Variants in KLHL29 observed in about 807,000 individuals in gnomAD.
The protein encoded by KLHL29 is kelch like family member 29, also known as kelch-like protein 29.
Under a neutral mutation model 80.4 loss-of-function variants are expected in KLHL29, and 21 were observed. The ratio of observed to expected loss-of-function variants is 0.26; its 90% confidence interval spans 0.19 to 0.38. The LOEUF is 0.38. Among genes scored for constraint, KLHL29 ranks in the 10% least tolerant of loss-of-function variants. The probability of loss-of-function intolerance (pLI) is 1.00; values close to 1 mark genes in which losing one functional copy is unlikely to be tolerated. For missense variants in KLHL29, 867 were observed against 1,223.9 expected, an observed-to-expected ratio of 0.71 and a Z score of 4.35; for synonymous variants, 511 against 526.8, an observed-to-expected ratio of 0.97 and a Z score of 0.41.
chr2:23,401,062 C>T (rs533094326), intron 1 of KLHL29, among the ~76,000 whole-genome samples: 10 of 152,338 alleles, frequency 6.6e-5, no homozygotes, highest in Non-Finnish European at 1.0e-4. Flanking sequence ...CAAATTTATC[C>T]GTGTGAAAGC....
intron 2 of KLHL29, among the ~76,000 whole-genome samples, chr2:23,507,648 A>G (rs1665643016): frequency 6.6e-6 from 1 of 152,204 alleles, no homozygotes. Flanking sequence ...AAGCCTAGAT[A>G]GGGACCCAGG....
intron 1 of KLHL29, among the ~76,000 whole-genome samples, chr2:23,432,374 C>G (rs1278058543): frequency 6.6e-6 from 1 of 152,170 alleles, no homozygotes; most frequent in African/African-American, 2.4e-5. Context: ...TAGCTGGTTA[C>G]AGTTATTTCC....
At chr2:23,423,684 C>A (rs1662916522) in intron 1 of KLHL29, among the ~76,000 whole-genome samples, 1 of 152,026 alleles carries the variant, frequency 6.6e-6, no homozygotes, top group South Asian at 2.1e-4. Context: ...CCATTCCATT[C>A]TCCATGGGCT....
At chr2:23,671,240 G>A (rs548746131) in intron 5 of KLHL29, among the ~76,000 whole-genome samples, 92 of 151,984 alleles carry the variant, frequency 6.1e-4, no homozygotes, top group Non-Finnish European at 1.1e-3. Context: ...CAGAATTCTT[G>A]GGAAGTAATG....
At chr2:23,469,706 G>C (rs1664443949) in intron 1 of KLHL29, among the ~76,000 whole-genome samples, 1 of 152,116 alleles carries the variant, frequency 6.6e-6, no homozygotes, top group African/African-American at 2.4e-5. Context: ...AACCGTGGAG[G>C]CAATTTCCTT....
chr2:23,476,081 G>T (rs984004860), intron 2 of KLHL29, among the ~76,000 whole-genome samples: 2 of 152,006 alleles, frequency 1.3e-5, no homozygotes, highest in African/African-American at 4.8e-5. Flanking sequence ...CACCATGTTG[G>T]CCAGGCTGGT....
chr2:23,632,646 C>T (rs1669499676), intron 3 of KLHL29, among the ~76,000 whole-genome samples: 1 of 152,248 alleles, frequency 6.6e-6, no homozygotes. Flanking sequence ...TGCACTTCTG[C>T]TAGGAGCACT....
intron 2 of KLHL29, among the ~76,000 whole-genome samples, chr2:23,516,150 C>T (rs140009879): frequency 6.6e-6 from 1 of 152,094 alleles, no homozygotes; most frequent in Non-Finnish European, 1.5e-5. Context: ...TCCCTTCTGC[C>T]CTGCCCAGCC....
Position 23,562,453 on chromosome 2 carries a change from C to A in KLHL29, c.257C>A (p.Ala86Asp). 6.5e-7 allele frequency: 1 copy of A among 1,536,522 alleles called. No homozygotes were observed. The highest frequency in any genetic ancestry group is 2.4e-5 in the East Asian group (1 of 40,886). The change falls in exon 3 of 14, where the codon GCC (alanine) becomes GAC (aspartate). Residue 86 changes from alanine (A) to aspartate (D), a missense_variant. Transcript: ENST00000486442. The surrounding 1 kb of genome is among the most constrained non-coding windows in gnomAD (Gnocchi z 4.5). The stretch of plus-strand genomic sequence containing the variant: ...AGCGAGGCCATCACCAGCCTCGTGG[C>A]CAGCTCTGCGTCTGCGGTCACCACC... Reference protein sequence around the residue: ...GSSEAITSLVASSASAVTTKA... With the variant: ...GSSEAITSLVDSSASAVTTKA...
At position 23,669,944 on chromosome 2, in the gene KLHL29, C is replaced by T. The variant is rs1378669957; in HGVS notation, c.941-14455C>T. Among the ~76,000 whole-genome samples the T allele has an allele frequency of 6.6e-6, 1 of 152,064 alleles. No homozygotes were observed. Among genetic ancestry groups the T allele is most frequent in the Non-Finnish European group, 1.5e-5 (1 of 68,018 alleles). ...AAATACATGTGGGTAGGGACCCAAG[C>T]AGAGAGGGGTGTCAGTAAAGCCAGA... is the stretch of plus-strand genomic sequence containing the variant. On this transcript the variant is annotated intron_variant, in intron 5 of 13. Transcript: ENST00000486442. The surrounding 1 kb of genome is among the most constrained non-coding windows in gnomAD (Gnocchi z 4.3).
intron 2 of KLHL29, among the ~76,000 whole-genome samples, chr2:23,496,674 AG>A (rs1412239615): frequency 1.3e-5 from 2 of 152,146 alleles, no homozygotes; most frequent in Admixed American, 1.3e-4. Flanking sequence ...GAGCTGCCCT[AG>A]GGGGCCCAGG....
chr2:23,604,082 T>C (rs1216440418), intron 3 of KLHL29, among the ~76,000 whole-genome samples: 1 of 152,212 alleles, frequency 6.6e-6, no homozygotes, highest in Non-Finnish European at 1.5e-5. Context: ...TGCTATCCAG[T>C]GTGAAGCATC....
At chr2:23,438,219 A>G (rs1005648468) in intron 1 of KLHL29, among the ~76,000 whole-genome samples, 2 of 151,632 alleles carry the variant, frequency 1.3e-5, no homozygotes, top group Admixed American at 6.6e-5. Flanking sequence ...GGCTGAGATG[A>G]TGGGGTTTTC....
rs1188723951 is a variant in KLHL29 at position 23,621,527 on chromosome 2, CAGG to C, written c.286-17597_286-17595del. Among the ~76,000 whole-genome samples the C allele has an allele frequency of 3.6e-5, 5 of 137,278 alleles. No homozygotes were observed. In the East Asian group the frequency reaches 1.1e-3, roughly 29 times the overall value. 90.1% of individuals were successfully genotyped at this position (137,278 alleles called of 152,430 possible). A position where few individuals can be genotyped will look rare whatever the true frequency, so the allele number is the denominator to read the frequency against. On this transcript the variant is annotated intron_variant, in intron 3 of 13. Coordinates refer to ENST00000486442, the MANE Select transcript of KLHL29 (RefSeq NM_052920.2). ...AAGACAAGGAGGAAGAGGAAGAGCT[CAGG>C]AGGAGGAGGAGGAGATGAGGGGGAG...
intron 3 of KLHL29, among the ~76,000 whole-genome samples, chr2:23,610,203 C>A (rs376741859): frequency 1.3e-5 from 2 of 152,172 alleles, no homozygotes; most frequent in South Asian, 2.1e-4. Flanking sequence ...TGGGGCGATA[C>A]TGCTGCTGGG....
chr2:23,639,120 C>A lies in KLHL29; in HGVS notation c.286-19C>A, dbSNP rs545448861. ...GTCTCTGGCCAGGCTATGCTCACCT[C>A]CTCATCTGCTTCCCACAGGCTCCCG... is the stretch of plus-strand genomic sequence containing the variant. On this transcript the variant is annotated intron_variant, in intron 3 of 13. Transcript: ENST00000486442. 490 of 1,522,516 alleles carry A rather than the reference C, an allele frequency of 3.2e-4. No individual in the cohort carries two copies. Among genetic ancestry groups the A allele is most frequent in the Non-Finnish European group, 4.1e-4 (467 of 1,135,918 alleles). 94.3% of individuals were successfully genotyped at this position (1,522,516 alleles called of 1,614,324 possible).
chr2:23,535,898 T>C (rs902891796), intron 2 of KLHL29, among the ~76,000 whole-genome samples: 1 of 152,154 alleles, frequency 6.6e-6, no homozygotes, highest in Non-Finnish European at 1.5e-5. Context: ...ATGGCTAAAA[T>C]GGTCGGTTTT....
chr2:23,705,776 A>G (rs1294321621), intron 13 of KLHL29, among the ~76,000 whole-genome samples: 1 of 152,186 alleles, frequency 6.6e-6, no homozygotes, highest in Non-Finnish European at 1.5e-5. Flanking sequence ...AAAGAGTGTC[A>G]GGGCTAGAAA....
rs1670664808 is a variant in KLHL29 at position 23,669,955 on chromosome 2, GTCAGTAAAGCCAGAAGC to G, written c.941-14439_941-14423del. Among the ~76,000 whole-genome samples, 1 of 152,144 alleles carries G rather than the reference GTCAGTAAAGCCAGAAGC, an allele frequency of 6.6e-6. No homozygotes were observed. The highest frequency in any genetic ancestry group is 6.5e-5 in the Admixed American group (1 of 15,278). ...GGTAGGGACCCAAGCAGAGAGGGGT[GTCAGTAAAGCCAGAAGC>G]TCAGCTGAAATGGTAGGGACCCATG... On this transcript the variant is annotated intron_variant, in intron 5 of 13. Transcript: ENST00000486442. The surrounding 1 kb of genome is among the most constrained non-coding windows in gnomAD (Gnocchi z 4.3).
Sources: allele counts gnomAD v4.1 joint callset (sites outside exome capture counted in the v4.1 genomes callset), GRCh38; gene constraint gnomAD v4.1.1; non-coding constraint Gnocchi (gnomAD v3.1); transcripts MANE v1.5; gene names NCBI Gene and HGNC (gene_info 2026-07-23, HGNC 2026-07-21).